The following GMDS variants were observed in gnomAD, a reference collection of about 807,000 sequenced individuals.
The protein encoded by GMDS is GDP-mannose 4,6-dehydratase.
GMDS carries 20 observed loss-of-function variants against 49.9 expected under a neutral mutation model. That is an observed-to-expected ratio of 0.40 (90% CI 0.28 to 0.58). The LOEUF is 0.58. Among genes scored for constraint, GMDS ranks in the 20% least tolerant of loss-of-function variants. The pLI is 0.42. For synonymous variants in GMDS, 177 were observed against 178.6 expected (o/e 0.99, Z 0.07); for missense variants, 362 against 481.4 (o/e 0.75, Z 2.32).
chr6:2,065,947 G>C (rs560865411), intron 4 of GMDS, among the ~76,000 whole-genome samples: 7 of 152,214 alleles, frequency 4.6e-5, no homozygotes, highest in Non-Finnish European at 7.4e-5. Context: ...CTCAAGAAGA[G>C]CAACTCCAAG....
intron 9 of GMDS, among the ~76,000 whole-genome samples, chr6:1,671,666 CTT>C (rs35355483): frequency 4.7e-4 from 62 of 132,802 alleles, no homozygotes; most frequent in Admixed American, 9.9e-4. Context: ...CTTTTAATTA[CTT>C]TTTTTTTTTT....
chr6:1,878,402 T>C (rs1382907212), intron 7 of GMDS, among the ~76,000 whole-genome samples: 1 of 148,566 alleles, frequency 6.7e-6, no homozygotes, highest in Non-Finnish European at 1.5e-5. Context: ...GTTTTACAAC[T>C]ATGGGTCTTC....
chr6:1,759,646 G>T (rs6914704), intron 7 of GMDS, among the ~76,000 whole-genome samples: 3 of 151,980 alleles, frequency 2.0e-5, no homozygotes, highest in Non-Finnish European at 4.4e-5. Flanking sequence ...GAACAGACAG[G>T]GAAGACACTG....
At chr6:1,782,851 C>T (rs1769161513) in intron 7 of GMDS, among the ~76,000 whole-genome samples, 2 of 152,324 alleles carry the variant, frequency 1.3e-5, no homozygotes, top group South Asian at 4.1e-4. Context: ...TATTATTTCT[C>T]TGTCAAGAAA....
intron 4 of GMDS, among the ~76,000 whole-genome samples, chr6:1,994,079 A>T (rs1455198910): frequency 6.6e-6 from 1 of 152,228 alleles, no homozygotes; most frequent in Non-Finnish European, 1.5e-5. Context: ...GGAGGCATTT[A>T]AGAACTGGTT....
intron 4 of GMDS, among the ~76,000 whole-genome samples, chr6:2,065,605 C>T (rs530416751): frequency 1.3e-5 from 2 of 152,074 alleles, no homozygotes; most frequent in South Asian, 2.1e-4. Context: ...AACCAAGGCT[C>T]GAGAACTACG....
intron 4 of GMDS, among the ~76,000 whole-genome samples, chr6:2,002,307 A>G (rs558107258): frequency 1.3e-5 from 2 of 152,356 alleles, no homozygotes; most frequent in Admixed American, 6.5e-5. Context: ...GAAGGAAATA[A>G]TCAACAAAAG....
intron 7 of GMDS, 129 bp downstream of exon 7, chr6:1,929,974 G>A: frequency 1.3e-6 from 1 of 795,752 alleles, no homozygotes; most frequent in East Asian, 2.5e-5. Context: ...CAGCATGAGT[G>A]TAAACATACC....
At chr6:1,947,672 C>G (rs915357834) in intron 6 of GMDS, among the ~76,000 whole-genome samples, 2 of 152,208 alleles carry the variant, frequency 1.3e-5, no homozygotes, top group Admixed American at 1.3e-4. Flanking sequence ...AACATAAAAT[C>G]TGGCTTAATC....
At position 1,766,163 on chromosome 6, in the gene GMDS, T is replaced by G. The variant is rs1482811640; in HGVS notation, c.772-23577A>C. Reference sequence around the variant, plus strand: ...CTGCCCGTCTGTTTAAATGTAATACTCTTTCAGTGCATCAAGATACCTGAT... The same window carrying G: ...CTGCCCGTCTGTTTAAATGTAATACGCTTTCAGTGCATCAAGATACCTGAT... On this transcript the variant is annotated intron_variant, in intron 7 of 10. Transcript: ENST00000380815. This position sits in a 1 kb window ranked among gnomAD's most constrained non-coding sequence, Gnocchi z 4.5. Among the ~76,000 whole-genome samples the G allele has an allele frequency of 1.3e-5, 2 of 152,162 alleles. No homozygotes were observed. The highest frequency in any genetic ancestry group is 4.8e-5 in the African/African-American group (2 of 41,434).
intron 7 of GMDS, among the ~76,000 whole-genome samples, chr6:1,743,509 C>G (rs988825154): frequency 3.8e-5 from 5 of 132,892 alleles, no homozygotes; most frequent in African/African-American, 1.1e-4. Context: ...CGCCACTGCA[C>G]TCCAGCCTGG....
Position 2,115,713 on chromosome 6 carries a change from A to G in GMDS, c.345+58T>C, listed in dbSNP as rs1314859945. The G allele has an allele frequency of 1.2e-4, 108 of 871,950 alleles. 1 individual carries two copies. The highest frequency in any genetic ancestry group is 1.1e-3 in the Admixed American group (63 of 58,834). The allele number at this position is 871,950 out of a possible 1,614,324, so 54.0% of individuals were successfully genotyped here. A position where few individuals can be genotyped will look rare whatever the true frequency, so the allele number is the denominator to read the frequency against. On this transcript the variant is annotated intron_variant, in intron 4 of 10. Transcript: ENST00000380815. Reference sequence around the variant, plus strand: ...ACTACACTGAGAAGCAGCAGACACAAGTAAAATACAGAACGCCACAGAAAC... The same window carrying G: ...ACTACACTGAGAAGCAGCAGACACAGGTAAAATACAGAACGCCACAGAAAC...
At chr6:1,917,279 G>C (rs1477728922) in intron 7 of GMDS, among the ~76,000 whole-genome samples, 1 of 152,154 alleles carries the variant, frequency 6.6e-6, no homozygotes, top group African/African-American at 2.4e-5. Context: ...CAGAAACATG[G>C]CACAGTATCA....
chr6:1,922,623 C>T (rs1304204315), intron 7 of GMDS, among the ~76,000 whole-genome samples: 1 of 152,148 alleles, frequency 6.6e-6, no homozygotes, highest in Non-Finnish European at 1.5e-5. Context: ...GTCCTGTACC[C>T]CATCCTCTGC....
In GMDS at chr6:2,230,941, A is replaced by G. The variant is rs867863269; in HGVS notation, c.102+14380T>C. 1.6e-3 allele frequency among the ~76,000 whole-genome samples: 30 copies of G among 18,668 alleles called. 4 individuals carry two copies. In the East Asian group the frequency reaches 0.065, roughly 40 times the overall value. 12.2% of individuals were successfully genotyped at this position (18,668 alleles called of 152,430 possible). On this transcript the variant is annotated intron_variant, in intron 1 of 10. Transcript: ENST00000380815. Reference sequence around the variant, plus strand: ...ATTTAGTATTCTCTTCCCCCCTCCCACCCCCCCCCCCCGTTCCTTCCCCTA... The same window carrying G: ...ATTTAGTATTCTCTTCCCCCCTCCCGCCCCCCCCCCCCGTTCCTTCCCCTA...
chr6:2,107,555 A>G lies in GMDS; in HGVS notation c.345+8216T>C, dbSNP rs190121487. On this transcript the variant is annotated intron_variant, in intron 4 of 10. Coordinates refer to ENST00000380815, the MANE Select transcript of GMDS (RefSeq NM_001500.4). Reference sequence around the variant, plus strand: ...CGTATTGCAATTTTGCGCTGTAACAAATAAAAGTGGTTACAAACTGTATTA... The same window carrying G: ...CGTATTGCAATTTTGCGCTGTAACAGATAAAAGTGGTTACAAACTGTATTA... 2.0e-5 allele frequency among the ~76,000 whole-genome samples: 3 copies of G among 152,378 alleles called. No individual in the cohort carries two copies. The East Asian group carries it at 5.8e-4, about 29-fold the overall frequency.
At chr6:1,979,333 T>C (rs994603001) in intron 4 of GMDS, among the ~76,000 whole-genome samples, 2 of 152,190 alleles carry the variant, frequency 1.3e-5, no homozygotes, top group African/African-American at 4.8e-5. Flanking sequence ...ATAGCCAGTC[T>C]AGAGGAACAG....
At chr6:1,852,934 G>A (rs907945462) in intron 7 of GMDS, among the ~76,000 whole-genome samples, 1 of 151,834 alleles carries the variant, frequency 6.6e-6, no homozygotes, top group Non-Finnish European at 1.5e-5. Context: ...TCGAACTCCC[G>A]ACCTCAGGTG....
intron 4 of GMDS, among the ~76,000 whole-genome samples, chr6:2,082,016 A>G (rs1251162435): frequency 6.6e-6 from 1 of 152,230 alleles, no homozygotes; most frequent in Non-Finnish European, 1.5e-5. Flanking sequence ...CGATTTAGCC[A>G]CAATAGGAAA....
Sources: gnomAD v4.1 joint callset for allele counts (sites outside exome capture counted in the v4.1 genomes callset) on GRCh38, gnomAD v4.1.1 for gene constraint, Gnocchi (gnomAD v3.1) non-coding constraint, MANE v1.5 for transcripts, NCBI Gene and HGNC (gene_info 2026-07-23, HGNC 2026-07-21) for gene names.